ARHGAP20: variants seen among roughly 807,000 people sequenced by gnomAD.
ARHGAP20 encodes Rho GTPase activating protein 20, also known as rho GTPase-activating protein 20.
A neutral mutation model predicts 73.7 loss-of-function variants in ARHGAP20; 34 were observed. That is an observed-to-expected ratio of 0.46 (90% CI 0.35 to 0.61). The LOEUF is 0.61. ARHGAP20 is among the 20% of genes least tolerant of loss of function. The pLI, the probability that ARHGAP20 is intolerant of heterozygous loss-of-function variation, is 0.00. For synonymous variants in ARHGAP20, 523 were observed against 518.2 expected, an observed-to-expected ratio of 1.01 and a Z score of -0.13; for missense variants, 1,314 against 1,420.9, an observed-to-expected ratio of 0.92 and a Z score of 1.21.
At chr11:110,627,910 C>A (rs1948779403) in intron 3 of ARHGAP20, among the ~76,000 whole-genome samples, 1 of 152,126 alleles carries the variant, frequency 6.6e-6, no homozygotes, top group Non-Finnish European at 1.5e-5. Flanking sequence ...CAAAAGTGGT[C>A]CCCAAGTACC....
Position 110,680,252 on chromosome 11 carries a change from TAAG to T in ARHGAP20, c.188+10292_188+10294del, listed in dbSNP as rs768500348. ...AACTTGCCAAAGTTCTCACATCTGGTAAGAAGAAGGGCCAGGGTTCAAACCCAA... is the reference window on the plus strand; with the variant it reads ...AACTTGCCAAAGTTCTCACATCTGGTAAGAAGGGCCAGGGTTCAAACCCAA... On this transcript the variant is annotated intron_variant, in intron 2 of 14. Transcript: ENST00000683387. Among the ~76,000 whole-genome samples, 9 of 152,172 alleles carry T rather than the reference TAAG, an allele frequency of 5.9e-5. No homozygotes were observed. In the South Asian group the frequency reaches 1.9e-3, roughly 32 times the overall value.
chr11:110,659,797 C>T (rs959059718), intron 2 of ARHGAP20, among the ~76,000 whole-genome samples: 2 of 151,410 alleles, frequency 1.3e-5, no homozygotes, highest in Admixed American at 6.6e-5. Context: ...AGTAAACTAT[C>T]GCAAGAACAA....
Position 110,712,163 on chromosome 11 carries a change from T to C in ARHGAP20, c.69A>G (p.Gly23=). Residue 23 remains glycine (G), a synonymous_variant, in exon 1 of 15, where the codon GGA becomes GGG. Coordinates refer to ENST00000683387, the MANE Select transcript of ARHGAP20 (RefSeq NM_001384657.1). ...AGCTGCCTCCCGCGAGCCGAGACAC[T>C]CCTGTCAGGGAAGAGGAGCGCCCCG... ...GQPGRSSSLT[G]VSRLAGGSCT... 1 of 1,369,720 alleles carries C rather than the reference T, an allele frequency of 7.3e-7. No individual in the cohort carries two copies. Among genetic ancestry groups the C allele is most frequent in the Non-Finnish European group, 9.5e-7 (1 of 1,055,760 alleles). The allele number at this position is 1,369,720 out of a possible 1,614,324, so 84.8% of individuals were successfully genotyped here.
At chr11:110,644,862 G>C (rs1949153238) in intron 2 of ARHGAP20, among the ~76,000 whole-genome samples, 1 of 151,934 alleles carries the variant, frequency 6.6e-6, no homozygotes, top group Admixed American at 6.6e-5. Context: ...CAATCTACAG[G>C]GTGAAGGGAA....
At chr11:110,646,814 C>T (rs1949203628) in intron 2 of ARHGAP20, among the ~76,000 whole-genome samples, 1 of 151,924 alleles carries the variant, frequency 6.6e-6, no homozygotes, top group Non-Finnish European at 1.5e-5. Context: ...AGTGAAGTAG[C>T]CAGGGCCATG....
At chr11:110,606,488 C>A (rs326938) in intron 9 of ARHGAP20, 73 bp downstream of exon 9, 205,364 of 1,437,124 alleles carry the variant, frequency 0.14, 15,837 homozygotes, top group African/African-American at 0.23. Flanking sequence ...CCTCATCTGG[C>A]GGGAGGTTTG....
rs558244031 is a variant in ARHGAP20 at position 110,596,854 on chromosome 11, C to A, written c.965-4699G>T. On this transcript the variant is annotated intron_variant, in intron 9 of 14. Coordinates refer to ENST00000683387, the MANE Select transcript of ARHGAP20 (RefSeq NM_001384657.1). ...GACACATGCACATGTATGTTTATTG[C>A]GGCACTATTCACAATAGCAAAGACT... Among the ~76,000 whole-genome samples the A allele has an allele frequency of 4.3e-4, 66 of 152,142 alleles. 1 individual carries two copies. In the East Asian group the frequency reaches 0.012, roughly 27 times the overall value.
chr11:110,614,539 T>A, intron 6 of ARHGAP20, 22 bp downstream of exon 6: 1 of 1,595,548 alleles, frequency 6.3e-7, no homozygotes, highest in South Asian at 1.1e-5. Context: ...GGAATTTAAT[T>A]TTCTGGCTTA....
intron 10 of ARHGAP20, among the ~76,000 whole-genome samples, chr11:110,591,381 A>C (rs1643268000): frequency 6.6e-6 from 1 of 152,234 alleles, no homozygotes; most frequent in South Asian, 2.1e-4. Context: ...GTGGCTAGAC[A>C]AGTGTCTTGC....
At chr11:110,653,297 G>A (rs7931032) in intron 2 of ARHGAP20, among the ~76,000 whole-genome samples, 1,977 of 152,182 alleles carry the variant, frequency 0.013, 51 homozygotes, top group African/African-American at 0.046. Context: ...TCTACAGAAC[G>A]GGAGAAAATT....
At position 110,579,993 on chromosome 11, in the gene ARHGAP20, G is replaced by A. The variant is rs765414431; in HGVS notation, c.2953C>T (p.Arg985Trp). 30 of 1,614,060 alleles carry A rather than the reference G, an allele frequency of 1.9e-5. No individual in the cohort carries two copies. Among genetic ancestry groups the A allele is most frequent in the South Asian group, 4.4e-5 (4 of 91,078 alleles). ...CTAAAGTCAGGAGAAAGGTCTTCCC[G>A]TTTTCTCTGAGCCTGAAAAGTGCAA... ...IDCTFQAQRK[R>W]EDLSPDFSNA... The change falls in exon 15 of 15, where the codon CGG becomes TGG. Residue 985 changes from arginine (R) to tryptophan (W), a missense_variant. Transcript: ENST00000683387.
intron 11 of ARHGAP20, among the ~76,000 whole-genome samples, chr11:110,587,763 C>CT (rs144274780): frequency 0.2 from 30,404 of 149,320 alleles, 3,231 homozygotes; most frequent in East Asian, 0.32. Flanking sequence ...TATTACTATC[C>CT]TTTTTTTTTT....
chr11:110,577,764 C>T lies in ARHGAP20; in HGVS notation c.*1606G>A. Reference sequence around the variant, plus strand: ...AGATCATTGTAATGGTTAGCGCAAACAGGGCCATGTCCCCAAGAGGTAGGT... The same window carrying T: ...AGATCATTGTAATGGTTAGCGCAAATAGGGCCATGTCCCCAAGAGGTAGGT... On this transcript the variant is annotated 3_prime_UTR_variant, in exon 15 of 15. Transcript: ENST00000683387. The T allele has an allele frequency of 1.0e-6, 1 of 985,856 alleles. No individual in the cohort carries two copies. Among genetic ancestry groups the T allele is most frequent in the Non-Finnish European group, 1.2e-6 (1 of 829,932 alleles). The allele number at this position is 985,856 out of a possible 1,614,324, so 61.1% of individuals were successfully genotyped here.
At chr11:110,609,470 G>A (rs987804587) in intron 7 of ARHGAP20, among the ~76,000 whole-genome samples, 3 of 152,122 alleles carry the variant, frequency 2.0e-5, no homozygotes, top group African/African-American at 7.2e-5. Context: ...TTCTGAGCAG[G>A]AGAATGACCA....
At chr11:110,648,226 T>TATATGTAAATATATATATGTAA (rs1949261402) in intron 2 of ARHGAP20, among the ~76,000 whole-genome samples, 5 of 79,306 alleles carry the variant, frequency 6.3e-5, no homozygotes, top group Non-Finnish European at 1.2e-4. Flanking sequence ...TATATGTATA[T>TATATGTAAATATATATATGTAA]ATATATATAT....
chr11:110,692,536 C>T (rs140622638), intron 1 of ARHGAP20, among the ~76,000 whole-genome samples: 20 of 152,212 alleles, frequency 1.3e-4, no homozygotes, highest in Non-Finnish European at 2.1e-4. Context: ...AGCTTTACAT[C>T]TGCTTTCTCT....
intron 2 of ARHGAP20, among the ~76,000 whole-genome samples, chr11:110,654,671 G>C (rs147944883): frequency 8.5e-5 from 13 of 152,132 alleles, no homozygotes; most frequent in African/African-American, 3.1e-4. Context: ...TTGGTAGAAC[G>C]AGCAAACACA....
intron 3 of ARHGAP20, 60 bp from the exon 4 acceptor site, chr11:110,624,371 G>A (rs530790350): frequency 3.3e-5 from 45 of 1,380,250 alleles, no homozygotes; most frequent in Admixed American, 5.4e-5. Flanking sequence ...TTTTATGGGA[G>A]CTTCTCTGGA....
At chr11:110,687,902 A>T (rs566737650) in intron 2 of ARHGAP20, among the ~76,000 whole-genome samples, 2 of 152,242 alleles carry the variant, frequency 1.3e-5, no homozygotes, top group Non-Finnish European at 1.5e-5. Flanking sequence ...TCATGTAACA[A>T]GCACAGAAAA....
Sources: gnomAD v4.1 joint callset for allele counts (sites outside exome capture counted in the v4.1 genomes callset) on GRCh38, gnomAD v4.1.1 for gene constraint, MANE v1.5 for transcripts, NCBI Gene and HGNC (gene_info 2026-07-23, HGNC 2026-07-21) for gene names.